HDAC4: variants seen among roughly 807,000 people sequenced by gnomAD.
HDAC4 encodes histone deacetylase 4.
HDAC4 carries 16 observed loss-of-function variants against 135.1 expected under a neutral mutation model. The ratio of observed to expected loss-of-function variants is 0.12; its 90% confidence interval spans 0.08 to 0.18. The LOEUF (loss-of-function observed/expected upper bound fraction) is 0.18, where lower values mean the gene tolerates loss of function less well. HDAC4 is among the 10% of genes least tolerant of loss of function. HDAC4 has a pLI of 1.00. For synonymous variants in HDAC4, 685 were observed against 653.4 expected (o/e 1.05, Z -0.74); for missense variants, 1,143 against 1,511.8 (o/e 0.76, Z 4.05).
chr2:239,230,032 G>A (rs942350988), intron 3 of HDAC4, among the ~76,000 whole-genome samples: 4 of 152,082 alleles, frequency 2.6e-5, no homozygotes, highest in Admixed American at 6.5e-5. Context: ...GCTCTCTGTC[G>A]CCTGCTGCTA....
intron 1 of HDAC4, among the ~76,000 whole-genome samples, chr2:239,387,234 G>A (rs1049790509): frequency 3.9e-5 from 6 of 152,214 alleles, no homozygotes; most frequent in African/African-American, 1.2e-4. Flanking sequence ...GGCCTGGATG[G>A]GGTCACCCAC....
At chr2:239,374,625 G>T (rs1325023781) in intron 1 of HDAC4, among the ~76,000 whole-genome samples, 1 of 151,338 alleles carries the variant, frequency 6.6e-6, no homozygotes, top group Non-Finnish European at 1.5e-5. Context: ...GGATGGTCTC[G>T]ATCTCCTGAC....
At chr2:239,266,031 G>A (rs912409745) in intron 2 of HDAC4, among the ~76,000 whole-genome samples, 11 of 152,148 alleles carry the variant, frequency 7.2e-5, no homozygotes, top group African/African-American at 2.7e-4. Context: ...CTAAGGACAG[G>A]GAGGGGGACA....
intron 20 of HDAC4, among the ~76,000 whole-genome samples, chr2:239,082,505 T>TGGGGCTGGAGTTCAGCC (rs2035441366): frequency 6.6e-6 from 1 of 152,200 alleles, no homozygotes; most frequent in Non-Finnish European, 1.5e-5. Context: ...CAGCAGCCGA[T>TGGGGCTGGAGTTCAGCC]GGGGCTGGAG....
chr2:239,095,114 C>T, intron 16 of HDAC4, 58 bp from the exon 17 acceptor site: 2 of 1,600,278 alleles, frequency 1.2e-6, no homozygotes, highest in Middle Eastern at 3.3e-4. Context: ...AGGTGCTCGA[C>T]AGGCCCTGGG....
intron 1 of HDAC4, among the ~76,000 whole-genome samples, chr2:239,356,352 C>T (rs1292484789): frequency 6.6e-6 from 1 of 152,138 alleles, no homozygotes; most frequent in Non-Finnish European, 1.5e-5. Context: ...ATTTAAAGGG[C>T]AGGGGTTGTC....
intron 18 of HDAC4, among the ~76,000 whole-genome samples, chr2:239,088,061 A>C (rs1157628596): frequency 3.3e-5 from 5 of 152,234 alleles, no homozygotes; most frequent in African/African-American, 4.8e-5. Flanking sequence ...GTTGTGTCCC[A>C]GCTTGGCCTT....
In HDAC4 at chr2:239,307,871, C is replaced by T. The variant is rs906150198; in HGVS notation, c.22+44807G>A. ...TTGGGGACTGTCACACACGTCTCCA[C>T]GCACCCCGAGCCACATCACGTTTTG... On this transcript the variant is annotated intron_variant, in intron 2 of 26. Transcript: ENST00000543185. The surrounding 1 kb of genome is among the most constrained non-coding windows in gnomAD (Gnocchi z 4.8). Among the ~76,000 whole-genome samples the T allele has an allele frequency of 9.9e-5, 15 of 152,174 alleles. No individual in the cohort carries two copies. Among genetic ancestry groups the T allele is most frequent in the East Asian group, 1.9e-4 (1 of 5,188 alleles).
intron 3 of HDAC4, among the ~76,000 whole-genome samples, chr2:239,214,907 A>G (rs552552132): frequency 6.6e-6 from 1 of 152,248 alleles, no homozygotes; most frequent in African/African-American, 2.4e-5. Context: ...GGTTGCCCTG[A>G]GTAGGAGAGG....
At chr2:239,132,873 G>C (rs781752810) in intron 11 of HDAC4, among the ~76,000 whole-genome samples, 45 of 152,160 alleles carry the variant, frequency 3.0e-4, no homozygotes, top group Non-Finnish European at 6.2e-4. Flanking sequence ...GAGAAACTCA[G>C]GTGTCCTTCA....
chr2:239,327,667 A>G (rs1382420441), intron 2 of HDAC4, among the ~76,000 whole-genome samples: 1 of 152,204 alleles, frequency 6.6e-6, no homozygotes, highest in African/African-American at 2.4e-5. Context: ...CCTTCTGCCT[A>G]CAGGGCTTTC....
chr2:239,190,957 T>C (rs764637745), intron 3 of HDAC4: 10 of 465,808 alleles, frequency 2.1e-5, no homozygotes, highest in Admixed American at 1.2e-4. Context: ...TCTGAAAGCA[T>C]GCAGTGTGTG....
At position 239,306,844 on chromosome 2, in the gene HDAC4, T is replaced by A. The variant is rs573080697; in HGVS notation, c.22+45834A>T. ...CACACCCCCGAGGAGCCAGACAGGA[T>A]CGAGAGAACCTTCTGGAAGGAGCTG... is the stretch of plus-strand genomic sequence containing the variant. On this transcript the variant is annotated intron_variant, in intron 2 of 26. Transcript: ENST00000543185. This position sits in a 1 kb window ranked among gnomAD's most constrained non-coding sequence, Gnocchi z 4.5. 1.3e-4 allele frequency among the ~76,000 whole-genome samples: 20 copies of A among 151,614 alleles called. No homozygotes were observed. Among genetic ancestry groups the A allele is most frequent in the African/African-American group, 4.8e-4 (20 of 41,332 alleles).
At chr2:239,293,349 G>T (rs1217082646) in intron 2 of HDAC4, among the ~76,000 whole-genome samples, 1 of 152,188 alleles carries the variant, frequency 6.6e-6, no homozygotes, top group African/African-American at 2.4e-5. Flanking sequence ...CCTGTCCCCT[G>T]CCCTCGGTTT....
At chr2:239,358,343 C>T (rs1415121102) in intron 1 of HDAC4, among the ~76,000 whole-genome samples, 1 of 152,206 alleles carries the variant, frequency 6.6e-6, no homozygotes, top group African/African-American at 2.4e-5. Flanking sequence ...AAGCGCCGGC[C>T]GTCGGGAGCT....
intron 24 of HDAC4, among the ~76,000 whole-genome samples, chr2:239,061,237 G>A (rs1326200336): frequency 6.6e-6 from 1 of 152,122 alleles, no homozygotes; most frequent in Non-Finnish European, 1.5e-5. Flanking sequence ...GTGCACGTGA[G>A]ACTGTGTGGT....
intron 24 of HDAC4, among the ~76,000 whole-genome samples, chr2:239,063,136 C>T (rs938011294): frequency 6.6e-6 from 1 of 152,140 alleles, no homozygotes; most frequent in Non-Finnish European, 1.5e-5. Flanking sequence ...GGGTCTTGCT[C>T]TGTAGTGGGT....
At chr2:239,125,948 T>C (rs1221530177) in intron 12 of HDAC4, among the ~76,000 whole-genome samples, 2 of 152,254 alleles carry the variant, frequency 1.3e-5, no homozygotes, top group African/African-American at 4.8e-5. Context: ...GTACGCTGCT[T>C]ACCCTGTACG....
At position 239,048,736 on chromosome 2, in the gene HDAC4, C is replaced by A. The variant is rs1309875165; in HGVS notation, c.*4361G>T. The A allele has an allele frequency of 6.6e-6, 1 of 152,220 alleles. No homozygotes were observed. The highest frequency in any genetic ancestry group is 1.5e-5 in the Non-Finnish European group (1 of 68,042). 9.4% of individuals were successfully genotyped at this position (152,220 alleles called of 1,614,324 possible). A position where few individuals can be genotyped will look rare whatever the true frequency, so the allele number is the denominator to read the frequency against. On this transcript the variant is annotated 3_prime_UTR_variant, in exon 27 of 27. Coordinates refer to ENST00000543185, the MANE Select transcript of HDAC4 (RefSeq NM_001378414.1). ...AATCAATGCCAGAGACAAAGTGAGG[C>A]CGAGCTAAGAACACGCTCAGCTTCG...
Sources: gnomAD v4.1 joint callset for allele counts (sites outside exome capture counted in the v4.1 genomes callset) on GRCh38, gnomAD v4.1.1 for gene constraint, Gnocchi (gnomAD v3.1) non-coding constraint, MANE v1.5 for transcripts, NCBI Gene and HGNC (gene_info 2026-07-23, HGNC 2026-07-21) for gene names.